The following ZNF618 variants were observed in gnomAD, a reference collection of about 807,000 sequenced individuals.
ZNF618 encodes the protein neural precursor cell expressed, developmentally down-regulated 10.
Under a neutral mutation model 103.0 loss-of-function variants are expected in ZNF618, and 34 were observed. The ratio of observed to expected loss-of-function variants is 0.33; its 90% confidence interval spans 0.25 to 0.44. The LOEUF (loss-of-function observed/expected upper bound fraction) is 0.44. Among genes scored for constraint, ZNF618 ranks in the 20% least tolerant of loss-of-function variants. The pLI is 1.00. For missense variants in ZNF618, 1,059 were observed against 1,295.4 expected (o/e 0.82, Z 2.80); for synonymous variants, 551 against 542.2 (o/e 1.02, Z -0.23).
intron 1 of ZNF618, among the ~76,000 whole-genome samples, chr9:113,941,755 C>G (rs895648746): frequency 3.5e-5 from 5 of 144,230 alleles, no homozygotes; most frequent in African/African-American, 1.3e-4. Flanking sequence ...AAACTTTTAT[C>G]AGGATGTGTC....
At chr9:113,877,571 C>G (rs1828074977) in intron 1 of ZNF618, among the ~76,000 whole-genome samples, 2 of 151,026 alleles carry the variant, frequency 1.3e-5, no homozygotes, top group African/African-American at 4.9e-5. Context: ...CATTTAAATC[C>G]TAAGATTCTA....
At chr9:113,967,469 C>T (rs1382510766) in intron 1 of ZNF618, among the ~76,000 whole-genome samples, 1 of 152,164 alleles carries the variant, frequency 6.6e-6, no homozygotes, top group Non-Finnish European at 1.5e-5. Flanking sequence ...TTGCCCTTTC[C>T]CTTGTGTGGG....
chr9:113,951,591 G>GTA (rs2132337453), intron 1 of ZNF618, among the ~76,000 whole-genome samples: 1 of 107,742 alleles, frequency 9.3e-6, no homozygotes, highest in African/African-American at 3.2e-5. Flanking sequence ...GTGTGTGTGT[G>GTA]TGTGTGTATA....
chr9:114,044,531 T>G (rs1448625296), intron 13 of ZNF618, among the ~76,000 whole-genome samples: 2 of 152,194 alleles, frequency 1.3e-5, no homozygotes, highest in African/African-American at 4.8e-5. Flanking sequence ...CAAGCTCTTT[T>G]TTGGTACCAT....
At chr9:113,943,277 A>C (rs1834712252) in intron 1 of ZNF618, among the ~76,000 whole-genome samples, 1 of 152,226 alleles carries the variant, frequency 6.6e-6, no homozygotes, top group African/African-American at 2.4e-5. Flanking sequence ...TCCTAGCTTA[A>C]GCAAGCCAGA....
intron 1 of ZNF618, among the ~76,000 whole-genome samples, chr9:113,897,201 C>T (rs796153247): frequency 1.1e-4 from 16 of 152,156 alleles, no homozygotes; most frequent in African/African-American, 3.9e-4. Flanking sequence ...AGTTTTTCCC[C>T]CTATGTACTA....
chr9:114,045,520 G>T (rs532727519), intron 13 of ZNF618, among the ~76,000 whole-genome samples: 5 of 152,040 alleles, frequency 3.3e-5, no homozygotes, highest in African/African-American at 1.2e-4. Flanking sequence ...TCAAAACTCA[G>T]TTGACCATAA....
chr9:113,908,555 G>A (rs965231189), intron 1 of ZNF618, among the ~76,000 whole-genome samples: 9 of 152,202 alleles, frequency 5.9e-5, no homozygotes, highest in African/African-American at 2.2e-4. Flanking sequence ...AGGAATGAAA[G>A]CATTTTTGTG....
chr9:114,008,257 A>G (rs2133804949), intron 7 of ZNF618, 87 bp from the exon 8 acceptor site: 1 of 1,566,740 alleles, frequency 6.4e-7, no homozygotes, highest in Admixed American at 1.7e-5. Flanking sequence ...GGCTGGGAGC[A>G]GTGGCAGAGG....
rs1587894805 is a variant in ZNF618 at position 113,876,336 on chromosome 9, G to A, written c.-45G>A. 5 of 1,167,428 alleles carry A rather than the reference G, an allele frequency of 4.3e-6. No homozygotes were observed. In the African/African-American group the frequency reaches 8.2e-5, roughly 19 times the overall value. The allele number at this position is 1,167,428 out of a possible 1,614,324, so 72.3% of individuals were successfully genotyped here. A position where few individuals can be genotyped will look rare whatever the true frequency, so the allele number is the denominator to read the frequency against. On this transcript the variant is annotated 5_prime_UTR_variant, in exon 1 of 15. Transcript: ENST00000374126. ...TGTGCGCGCACCAGCAGCCCGGCCC[G>A]GGAGGAGCAGGACGCGCCGGGGCCG...
chr9:114,039,203 C>T (rs577426442), intron 13 of ZNF618, among the ~76,000 whole-genome samples: 1 of 152,282 alleles, frequency 6.6e-6, no homozygotes, highest in East Asian at 1.9e-4. Context: ...CTCTTTCAGC[C>T]TCCGCGTTAA....
chr9:113,883,543 G>T (rs1417145145), intron 1 of ZNF618, among the ~76,000 whole-genome samples: 1 of 152,182 alleles, frequency 6.6e-6, no homozygotes, highest in Non-Finnish European at 1.5e-5. Context: ...GCACCTAAAT[G>T]TGTGATGTGA....
chr9:113,910,021 G>A (rs1831376969), intron 1 of ZNF618, among the ~76,000 whole-genome samples: 1 of 152,096 alleles, frequency 6.6e-6, no homozygotes, highest in Non-Finnish European at 1.5e-5. Flanking sequence ...CTGACCTCAG[G>A]ATCTGCCCGC....
In ZNF618 at chr9:114,026,680, T is replaced by C. The variant is rs1339832817; in HGVS notation, c.845-2053T>C. ...TGTGTGTTGCCATCAACAAACTTAT[T>C]ATGTCTGTGGCCAGAATAAGCCTTT... On this transcript the variant is annotated intron_variant, in intron 10 of 14. Coordinates refer to ENST00000374126, the MANE Select transcript of ZNF618 (RefSeq NM_001318042.2). Among the ~76,000 whole-genome samples the C allele has an allele frequency of 4.6e-5, 7 of 152,374 alleles. No homozygotes were observed. The East Asian group carries it at 1.3e-3, about 29-fold the overall frequency.
intron 2 of ZNF618, among the ~76,000 whole-genome samples, chr9:113,977,908 A>T (rs1199032595): frequency 6.6e-6 from 1 of 152,224 alleles, no homozygotes. Flanking sequence ...TATTTAAATC[A>T]TATACCATCT....
At chr9:113,976,271 C>G (rs759762608) in intron 2 of ZNF618, among the ~76,000 whole-genome samples, 2 of 152,302 alleles carry the variant, frequency 1.3e-5, no homozygotes, top group South Asian at 2.1e-4. Flanking sequence ...ACATGCCCCC[C>G]ACATGTGCTT....
At chr9:114,044,867 T>G (rs1845521537) in intron 13 of ZNF618, among the ~76,000 whole-genome samples, 1 of 152,132 alleles carries the variant, frequency 6.6e-6, no homozygotes, top group African/African-American at 2.4e-5. Flanking sequence ...AATTCTTGAT[T>G]TAGTTCTCAG....
At chr9:113,956,507 C>A (rs1181181063) in intron 1 of ZNF618, among the ~76,000 whole-genome samples, 1 of 152,216 alleles carries the variant, frequency 6.6e-6, no homozygotes, top group East Asian at 1.9e-4. Context: ...ATGTTTTAAA[C>A]CAGTTGACTG....
At chr9:113,992,005 A>G (rs1413571858) in intron 3 of ZNF618, among the ~76,000 whole-genome samples, 1 of 152,224 alleles carries the variant, frequency 6.6e-6, no homozygotes, top group Non-Finnish European at 1.5e-5. Context: ...GGTCAGGCTC[A>G]GAGGAAGCTG....
Sources: gnomAD v4.1 joint callset for allele counts (sites outside exome capture counted in the v4.1 genomes callset) on GRCh38, gnomAD v4.1.1 for gene constraint, MANE v1.5 for transcripts, NCBI Gene and HGNC (gene_info 2026-07-23, HGNC 2026-07-21) for gene names.